CENPI: variants seen among roughly 807,000 people sequenced by gnomAD.
CENPI encodes the protein FSH primary response 1.
A neutral mutation model predicts 60.4 loss-of-function variants in CENPI; 4 were observed. That is an observed-to-expected ratio of 0.07 (90% CI 0.03 to 0.15). CENPI has a LOEUF of 0.15. Among genes scored for constraint, CENPI ranks in the 10% least tolerant of loss-of-function variants. The pLI, the probability that CENPI is intolerant of heterozygous loss-of-function variation, is 1.00. For missense variants in CENPI, 444 were observed against 534.5 expected (o/e 0.83, Z 1.67); for synonymous variants, 157 against 189.4 (o/e 0.83, Z 1.40).
chrX:101,152,203 C>T (rs1179586146), intron 20 of CENPI, among the ~76,000 whole-genome samples: 1 of 109,578 alleles, frequency 9.1e-6, no homozygotes, highest in African/African-American at 3.3e-5. Context: ...GCTGGGATTA[C>T]AGGCACGTGC....
intron 20 of CENPI, among the ~76,000 whole-genome samples, chrX:101,161,256 T>C (rs1368654229): frequency 3.6e-5 from 4 of 112,103 alleles, no homozygotes; most frequent in Non-Finnish European, 1.9e-5. Flanking sequence ...CCCAAAGTGT[T>C]GAGATTACAG....
intron 15 of CENPI, among the ~76,000 whole-genome samples, chrX:101,139,088 C>CTTTTTT (rs1281553958): frequency 7.5e-5 from 5 of 66,948 alleles, no homozygotes; most frequent in Non-Finnish European, 1.1e-4. Flanking sequence ...CGCGCCCGAC[C>CTTTTTT]TTTTTTTTTT....
chrX:101,181,229 A>T, the CENPI span, among the ~76,000 whole-genome samples: 291 of 111,328 alleles, frequency 2.6e-3, no homozygotes, highest in Non-Finnish European at 4.2e-3. Context: ...AAATTTTGAA[A>T]TAGGGAAGAA....
intron 8 of CENPI, among the ~76,000 whole-genome samples, chrX:101,126,458 G>A (rs147014453): frequency 0.018 from 2,009 of 111,028 alleles, 57 homozygotes; most frequent in African/African-American, 0.063. Flanking sequence ...AGGAAGAGAA[G>A]AGAAAAATAC....
the CENPI span, among the ~76,000 whole-genome samples, chrX:101,179,087 G>A: frequency 1.8e-5 from 2 of 111,914 alleles, no homozygotes; most frequent in Admixed American, 1.9e-4. Context: ...TATTCATAAT[G>A]TTGTGCAACT....
At chrX:101,174,349 C>CA in the CENPI span, among the ~76,000 whole-genome samples, 1 of 111,331 alleles carries the variant, frequency 9.0e-6, no homozygotes, top group Admixed American at 9.6e-5. Flanking sequence ...ATTATTCTAC[C>CA]AAAAAAACAC....
At chrX:101,180,288 C>A in the CENPI span, among the ~76,000 whole-genome samples, 2 of 110,556 alleles carry the variant, frequency 1.8e-5, no homozygotes, top group Non-Finnish European at 3.8e-5. Flanking sequence ...AGGTGTGCAC[C>A]ACAGCACCTG....
chrX:101,120,276 A>G, intron 6 of CENPI, 126 bp from the exon 7 acceptor site: 4 of 363,872 alleles, frequency 1.1e-5, no homozygotes, highest in Non-Finnish European at 2.0e-5. Flanking sequence ...TTGTAAAACT[A>G]TTGTTCAGTG....
chrX:101,164,176 A>C lies in CENPI; in HGVS notation c.*1209A>C, dbSNP rs141530959. ...TCCCCATTTAAAAAACAAACCCTAA[A>C]CTATATTATTGGATGGCGTTCAGAC... On this transcript the variant is annotated 3_prime_UTR_variant, in exon 22 of 22. Transcript: ENST00000682095. 4.6e-3 allele frequency among the ~76,000 whole-genome samples: 513 copies of C among 111,265 alleles called. 2 individuals carry two copies. Among genetic ancestry groups the C allele is most frequent in the African/African-American group, 0.016 (490 of 30,664 alleles).
chrX:101,167,565 C>CT (rs1037559653), downstream of CENPI, among the ~76,000 whole-genome samples: 1 of 111,850 alleles, frequency 8.9e-6, no homozygotes, highest in Non-Finnish European at 1.9e-5. Context: ...TTGATTACCA[C>CT]TTTCTGCGTA....
intron 6 of CENPI, among the ~76,000 whole-genome samples, chrX:101,114,418 C>T (rs1242794457): frequency 9.0e-6 from 1 of 111,540 alleles, no homozygotes; most frequent in East Asian, 2.8e-4. Context: ...ACATTTTCAT[C>T]ACCTCAAAAA....
rs372469224 is a variant in CENPI, at chrX:101,141,737, G to GC, written c.1565+985dup. Among the ~76,000 whole-genome samples the GC allele has an allele frequency of 5.7e-3, 618 of 109,140 alleles. 6 individuals carry two copies. Among genetic ancestry groups the GC allele is most frequent in the African/African-American group, 0.017 (495 of 29,948 alleles). The allele number at this position is 109,140 out of a possible 115,157, so 94.8% of individuals were successfully genotyped here. ...AGTACGTTTGAAATTACCTCCACCT[G>GC]CCCCCCCCTTTTTTATTGAGACAGG... On this transcript the variant is annotated intron_variant, in intron 16 of 21. Transcript: ENST00000682095.
intron 20 of CENPI, among the ~76,000 whole-genome samples, chrX:101,150,330 G>T (rs763762463): frequency 1.9e-5 from 2 of 105,522 alleles, no homozygotes; most frequent in Admixed American, 1.1e-4. Flanking sequence ...TACATTTGTT[G>T]TTTCTGTTTG....
At chrX:101,118,027 G>A (rs1393526765) in intron 6 of CENPI, among the ~76,000 whole-genome samples, 2 of 111,753 alleles carry the variant, frequency 1.8e-5, no homozygotes, top group Non-Finnish European at 3.8e-5. Context: ...ATTGAGGTCA[G>A]TAAACTGTAA....
intron 15 of CENPI, among the ~76,000 whole-genome samples, chrX:101,139,847 T>TG (rs2089895840): frequency 9.2e-6 from 1 of 108,679 alleles, no homozygotes; most frequent in Non-Finnish European, 1.9e-5. Context: ...TTTTGTTTTT[T>TG]TTTTTGAGAA....
chrX:101,124,763 C>T (rs957913647), intron 8 of CENPI, among the ~76,000 whole-genome samples: 3 of 111,619 alleles, frequency 2.7e-5, no homozygotes, highest in Non-Finnish European at 5.6e-5. Flanking sequence ...TTCCTGCCAT[C>T]GTGTGAAGAA....
rs1277085299 is a variant in CENPI at position 101,102,293 on chromosome X, G to A, written c.246G>A (p.Gln82=). The change falls in exon 4 of 22, where the codon CAG becomes CAA. Residue 82 remains glutamine, a synonymous_variant. Coordinates refer to ENST00000682095, the MANE Select transcript of CENPI (RefSeq NM_001386188.2). The stretch of plus-strand genomic sequence containing the variant: ...TTTCAGGTCCCATTAAAGCTTCACA[G>A]AATAAAGATAAAACCTTGGAAAAAC... The part of the protein sequence containing the change: ...YFEKGPIKAS[Q]NKDKTLEKHL... 8.4e-7 allele frequency: 1 copy of A among 1,186,979 alleles called. No homozygotes were observed. The highest frequency in any genetic ancestry group is 1.8e-5 in the African/African-American group (1 of 56,951).
chrX:101,102,345 T>C lies in CENPI; in HGVS notation c.298T>C (p.Trp100Arg), dbSNP rs780710759. Residue 100 changes from tryptophan (W) to arginine (R), a missense_variant, in exon 4 of 22, where the codon TGG becomes CGG. Transcript: ENST00000682095. Reference protein sequence around the residue: ...KHLKTVENVAWKNGLASEEID... With the variant: ...KHLKTVENVARKNGLASEEID... The stretch of plus-strand genomic sequence containing the variant: ...CTTGAAAACTGTGGAAAATGTGGCT[T>C]GGAAGAATGGGTTAGCTTCAGAAGA... The C allele has an allele frequency of 1.7e-5, 20 of 1,188,529 alleles. No individual in the cohort carries two copies. Among genetic ancestry groups the C allele is most frequent in the Admixed American group, 6.7e-5 (3 of 45,060 alleles).
downstream of CENPI, among the ~76,000 whole-genome samples, chrX:101,167,697 C>T (rs1177664587): frequency 8.9e-6 from 1 of 111,866 alleles, no homozygotes; most frequent in Non-Finnish European, 1.9e-5. Flanking sequence ...CATTCAAAGT[C>T]TCTGGAGAGT....
Sources: gnomAD v4.1 joint callset for allele counts (sites outside exome capture counted in the v4.1 genomes callset) on GRCh38, gnomAD v4.1.1 for gene constraint, MANE v1.5 for transcripts, NCBI Gene and HGNC (gene_info 2026-07-23, HGNC 2026-07-21) for gene names.